The following GRID2 variants were observed in gnomAD, a reference collection of about 807,000 sequenced individuals.
The protein encoded by GRID2 is glutamate receptor ionotropic, delta-2.
Under a neutral mutation model 114.8 loss-of-function variants are expected in GRID2, and 33 were observed. The observed-to-expected ratio is 0.29, with a 90% CI of 0.22 to 0.38. The LOEUF (loss-of-function observed/expected upper bound fraction) is 0.38. Among genes scored for constraint, GRID2 ranks in the 10% least tolerant of loss-of-function variants. The probability of loss-of-function intolerance (pLI) is 1.00; values close to 1 mark genes in which losing one functional copy is unlikely to be tolerated. For missense variants in GRID2, 1,184 were observed against 1,257.7 expected (o/e 0.94, Z 0.89); for synonymous variants, 505 against 449.9 (o/e 1.12, Z -1.55).
rs1437328976 is a variant in GRID2 at position 92,522,683 on chromosome 4, G to A, written c.89-67448G>A. Among the ~76,000 whole-genome samples the A allele has an allele frequency of 2.0e-5, 3 of 152,086 alleles. No individual in the cohort carries two copies. In the East Asian group the frequency reaches 5.9e-4, roughly 30 times the overall value. On this transcript the variant is annotated intron_variant, in intron 1 of 15. Transcript: ENST00000282020. The stretch of plus-strand genomic sequence containing the variant: ...TGAAGGATTTTCTCATGGATTGGAT[G>A]TAGGATCAGAGCAAGAGCAGTAGTC...
chr4:93,069,322 T>C (rs1324828966), intron 2 of GRID2, among the ~76,000 whole-genome samples: 2 of 151,902 alleles, frequency 1.3e-5, no homozygotes, highest in Admixed American at 1.3e-4. Flanking sequence ...ATATATATAC[T>C]TAGAAGAAAT....
intron 5 of GRID2, among the ~76,000 whole-genome samples, chr4:93,210,881 T>A: frequency 6.6e-6 from 1 of 152,088 alleles, no homozygotes; most frequent in East Asian, 1.9e-4. Context: ...TCTTCTAATT[T>A]TTTGTTTTTA....
At chr4:92,501,310 T>A (rs1375516773) in intron 1 of GRID2, among the ~76,000 whole-genome samples, 2 of 152,178 alleles carry the variant, frequency 1.3e-5, no homozygotes, top group African/African-American at 2.4e-5. Flanking sequence ...GTGGGCTCAT[T>A]TTACCAGCAA....
intron 4 of GRID2, among the ~76,000 whole-genome samples, 154 bp from the exon 5 acceptor site, chr4:93,207,250 A>G (rs1742908892): frequency 6.6e-6 from 1 of 151,844 alleles, no homozygotes; most frequent in African/African-American, 2.4e-5. Context: ...ATGCATCTAC[A>G]GTGTTTTGCT....
At chr4:92,939,991 A>G (rs1382246292) in intron 2 of GRID2, among the ~76,000 whole-genome samples, 1 of 147,256 alleles carries the variant, frequency 6.8e-6, no homozygotes, top group Non-Finnish European at 1.5e-5. Context: ...GTTTGAAGTC[A>G]GGTAGCGTGA....
chr4:92,761,812 A>C (rs1256145608), intron 2 of GRID2, among the ~76,000 whole-genome samples: 1 of 152,238 alleles, frequency 6.6e-6, no homozygotes, highest in African/African-American at 2.4e-5. Context: ...CCACTTCCTC[A>C]GCCAAGGGTT....
At chr4:93,072,785 A>G (rs962461912) in intron 2 of GRID2, among the ~76,000 whole-genome samples, 1 of 152,188 alleles carries the variant, frequency 6.6e-6, no homozygotes, top group Non-Finnish European at 1.5e-5. Context: ...ATACTAGTCT[A>G]TCATTTACCA....
intron 2 of GRID2, among the ~76,000 whole-genome samples, chr4:92,948,596 A>G (rs1040552255): frequency 6.6e-6 from 1 of 151,952 alleles, no homozygotes; most frequent in African/African-American, 2.4e-5. Context: ...AGTTCTATGG[A>G]TAAGAAAAAC....
intron 4 of GRID2, among the ~76,000 whole-genome samples, chr4:93,179,390 A>T (rs750874018): frequency 1.3e-5 from 2 of 152,196 alleles, no homozygotes; most frequent in African/African-American, 4.8e-5. Context: ...AATGAAATGT[A>T]CAAGTGTCAT....
At chr4:93,020,481 CTCATT>C (rs2149244753) in intron 2 of GRID2, among the ~76,000 whole-genome samples, 1 of 152,206 alleles carries the variant, frequency 6.6e-6, no homozygotes, top group East Asian at 1.9e-4. Context: ...CAAAAGGATT[CTCATT>C]ATTGAAAAGA....
intron 7 of GRID2, among the ~76,000 whole-genome samples, chr4:93,232,248 T>C (rs1746233187): frequency 6.6e-6 from 1 of 152,148 alleles, no homozygotes; most frequent in African/African-American, 2.4e-5. Context: ...AAATCTTAGA[T>C]TCAAAATTAT....
At chr4:92,345,268 G>A (rs550508040) in intron 1 of GRID2, among the ~76,000 whole-genome samples, 1 of 152,274 alleles carries the variant, frequency 6.6e-6, no homozygotes, top group East Asian at 1.9e-4. Flanking sequence ...CTCCATCCAA[G>A]TTGCTACAAA....
intron 10 of GRID2, among the ~76,000 whole-genome samples, chr4:93,444,803 G>T (rs1721941168): frequency 6.6e-6 from 1 of 151,908 alleles, no homozygotes. Context: ...ATTACATTAT[G>T]ATAAGGTTTA....
chr4:93,469,245 T>C (rs1478710585), intron 11 of GRID2, among the ~76,000 whole-genome samples: 1 of 152,092 alleles, frequency 6.6e-6, no homozygotes, highest in Non-Finnish European at 1.5e-5. Context: ...ACCTAGTTTC[T>C]TTCTGGGAAG....
rs10528035 is a variant in GRID2 at position 92,895,384 on chromosome 4, CATAT to C, written c.245-189593_245-189590del. On this transcript the variant is annotated intron_variant, in intron 2 of 15. Coordinates refer to ENST00000282020, the MANE Select transcript of GRID2 (RefSeq NM_001510.4). The stretch of plus-strand genomic sequence containing the variant: ...TTGAATTGACACATCATGTAGAAAA[CATAT>C]ATATATATATATATATAAACTGAAA... Among the ~76,000 whole-genome samples, 34 of 108,136 alleles carry C rather than the reference CATAT, an allele frequency of 3.1e-4. 3 individuals are homozygous for C. The highest frequency in any genetic ancestry group is 1.1e-3 in the African/African-American group (22 of 20,136). The allele number at this position is 108,136 out of a possible 152,430, so 70.9% of individuals were successfully genotyped here.
chr4:92,363,522 C>G (rs1728712503), intron 1 of GRID2, among the ~76,000 whole-genome samples: 1 of 152,012 alleles, frequency 6.6e-6, no homozygotes. Context: ...AATTGATACA[C>G]AATGACTGAA....
intron 4 of GRID2, among the ~76,000 whole-genome samples, chr4:93,139,211 T>C (rs1735538247): frequency 6.6e-6 from 1 of 152,172 alleles, no homozygotes; most frequent in African/African-American, 2.4e-5. Context: ...ATTACAATCC[T>C]AAACCCAGAG....
chr4:93,354,306 C>T (rs1761099685), intron 8 of GRID2, among the ~76,000 whole-genome samples: 1 of 151,924 alleles, frequency 6.6e-6, no homozygotes, highest in African/African-American at 2.4e-5. Flanking sequence ...ATTTAAATTG[C>T]ACTAATCAGT....
chr4:93,173,661 A>G (rs1739066448), intron 4 of GRID2, among the ~76,000 whole-genome samples: 1 of 152,078 alleles, frequency 6.6e-6, no homozygotes, highest in Admixed American at 6.5e-5. Context: ...GAGACGTCTC[A>G]TTCTGTTGCC....
Sources: allele counts gnomAD v4.1 joint callset (sites outside exome capture counted in the v4.1 genomes callset), GRCh38; gene constraint gnomAD v4.1.1; transcripts MANE v1.5; gene names NCBI Gene and HGNC (gene_info 2026-07-23, HGNC 2026-07-21).